The following BOD1 variants were observed in gnomAD, a reference collection of about 807,000 sequenced individuals.
The protein encoded by BOD1 is biorientation of chromosomes in cell division protein 1.
BOD1 carries 11 observed loss-of-function variants against 15.7 expected under a neutral mutation model. The observed-to-expected ratio is 0.70, with a 90% CI of 0.44 to 1.16. BOD1 has a LOEUF of 1.16. Ranked by LOEUF, BOD1 falls within the 50% of genes most tolerant of loss-of-function variation. The pLI is 0.00. For missense variants in BOD1, 182 were observed against 244.5 expected, an observed-to-expected ratio of 0.74 and a Z score of 1.70; for synonymous variants, 105 against 103.5, an observed-to-expected ratio of 1.01 and a Z score of -0.09.
At chr5:173,611,544 A>C (rs1261304857) in intron 2 of BOD1, among the ~76,000 whole-genome samples, 1 of 148,598 alleles carries the variant, frequency 6.7e-6, no homozygotes, top group African/African-American at 2.6e-5. Context: ...AAAAAAAAAA[A>C]ACAACAACTT....
In BOD1 at chr5:173,613,228, C is replaced by T. The variant is rs1755402802; in HGVS notation, c.265G>A (p.Val89Met). The T allele has an allele frequency of 6.5e-7, 1 of 1,528,794 alleles. No individual in the cohort carries two copies. Among genetic ancestry groups the T allele is most frequent in the Non-Finnish European group, 8.8e-7 (1 of 1,132,366 alleles). 94.7% of individuals were successfully genotyped at this position (1,528,794 alleles called of 1,614,324 possible). Residue 89 changes from valine (V) to methionine (M), a missense_variant, in exon 2 of 4, where the codon GTG becomes ATG. By Grantham distance (21) the Val-to-Met change is conservative. Transcript: ENST00000311086. ...KPAYQNLRQK[V>M]DNFVSTHLDK... ...AGATGTGTTGACACAAAATTATCCACTTTCTGCCTCAGGTTTTGGTAAGCT... is the reference window on the plus strand; with the variant it reads ...AGATGTGTTGACACAAAATTATCCATTTTCTGCCTCAGGTTTTGGTAAGCT...
At chr5:173,608,392 T>A in intron 3 of BOD1, 100 bp from the exon 4 acceptor site, 1 of 958,930 alleles carries the variant, frequency 1.0e-6, no homozygotes, top group Non-Finnish European at 1.6e-6. Flanking sequence ...AAGAAAGACT[T>A]AAAATGAATG....
At chr5:173,611,237 C>T (rs1313644437) in intron 2 of BOD1, among the ~76,000 whole-genome samples, 1 of 152,198 alleles carries the variant, frequency 6.6e-6, no homozygotes, top group Non-Finnish European at 1.5e-5. Context: ...AAGAGTTATT[C>T]GTCATAATTC....
intron 2 of BOD1, 71 bp downstream of exon 2, chr5:173,613,060 G>A (rs1479889877): frequency 6.6e-6 from 10 of 1,522,100 alleles, no homozygotes; most frequent in Non-Finnish European, 8.9e-6. Flanking sequence ...ACTAAACAGA[G>A]ACCTCAACCT....
intron 1 of BOD1, 22 bp from the exon 2 acceptor site, chr5:173,613,277 G>A: frequency 6.2e-7 from 1 of 1,612,814 alleles, no homozygotes; most frequent in South Asian, 1.1e-5. Context: ...AAAAGAGGAG[G>A]CAAGGTCAGA....
At chr5:173,614,303 T>G (rs1446467707) in intron 1 of BOD1, among the ~76,000 whole-genome samples, 2 of 152,162 alleles carry the variant, frequency 1.3e-5, no homozygotes, top group African/African-American at 4.8e-5. Context: ...CGCACCTGGT[T>G]TGAGATGATA....
intron 2 of BOD1, among the ~76,000 whole-genome samples, chr5:173,610,396 A>G (rs1254950403): frequency 6.6e-6 from 1 of 152,210 alleles, no homozygotes; most frequent in African/African-American, 2.4e-5. Context: ...ATCATGACAA[A>G]GAAGATAAGA....
At chr5:173,614,094 T>C (rs997536659) in intron 1 of BOD1, among the ~76,000 whole-genome samples, 2 of 152,126 alleles carry the variant, frequency 1.3e-5, no homozygotes, top group Admixed American at 6.5e-5. Context: ...AAAACAGATA[T>C]CAACAGAGAT....
At chr5:173,613,368 C>G in intron 1 of BOD1, 113 bp from the exon 2 acceptor site, 3 of 1,265,938 alleles carry the variant, frequency 2.4e-6, no homozygotes, top group Non-Finnish European at 3.4e-6. Flanking sequence ...AAATACACTT[C>G]CACTGTGCAT....
At chr5:173,609,916 G>C (rs1192306019) in intron 2 of BOD1, among the ~76,000 whole-genome samples, 1 of 152,148 alleles carries the variant, frequency 6.6e-6, no homozygotes, top group Non-Finnish European at 1.5e-5. Context: ...GATCAGTCAG[G>C]GCTGGGAGTA....
rs762685264 is a variant in BOD1, at chr5:173,609,293, G to C, written c.504C>G (p.Pro168=). ...GGTCCTGGCCTTCGGGCTCTGGAGGGGGTGCTGGCACAGCTGCTTTTTTCT... is the reference window on the plus strand; with the variant it reads ...GGTCCTGGCCTTCGGGCTCTGGAGGCGGTGCTGGCACAGCTGCTTTTTTCT... ...AAQKKAAVPA[P]PPEPEGQDPP... Residue 168 remains proline (P), a synonymous_variant, in exon 3 of 4, where the codon CCC becomes CCG. Transcript: ENST00000311086. 6.8e-6 allele frequency: 11 copies of C among 1,614,078 alleles called. No homozygotes were observed. Among genetic ancestry groups the C allele is most frequent in the African/African-American group, 4.0e-5 (3 of 74,930 alleles).
chr5:173,616,186 G>A lies in BOD1; in HGVS notation c.237+14C>T. ...TGCAGCCCCGCTCCCCAACGCCCAG[G>A]CGGCCGCAGCTACCTTGGTGTCCAC... On this transcript the variant is annotated intron_variant, in intron 1 of 3. Transcript: ENST00000311086. 3.8e-6 allele frequency: 6 copies of A among 1,571,458 alleles called. No individual in the cohort carries two copies. Among genetic ancestry groups the A allele is most frequent in the Non-Finnish European group, 5.2e-6 (6 of 1,159,506 alleles).
chr5:173,611,407 C>T (rs546776518), intron 2 of BOD1, among the ~76,000 whole-genome samples: 2 of 152,222 alleles, frequency 1.3e-5, no homozygotes, highest in South Asian at 2.1e-4. Flanking sequence ...GTCTGCGTTT[C>T]GAAACTCCAG....
chr5:173,614,432 C>T (rs1755438802), intron 1 of BOD1, among the ~76,000 whole-genome samples: 2 of 152,350 alleles, frequency 1.3e-5, no homozygotes, highest in South Asian at 4.1e-4. Flanking sequence ...TGAGCCCACT[C>T]ATAACGTTTT....
intron 1 of BOD1, among the ~76,000 whole-genome samples, chr5:173,615,342 C>T (rs927337536): frequency 7.9e-5 from 12 of 152,232 alleles, no homozygotes; most frequent in African/African-American, 2.2e-4. Context: ...AAACAGACTA[C>T]GTTTTTCCCT....
At chr5:173,615,348 T>C (rs1453151465) in intron 1 of BOD1, among the ~76,000 whole-genome samples, 5 of 152,264 alleles carry the variant, frequency 3.3e-5, no homozygotes. Context: ...ACTACGTTTT[T>C]CCCTATCTTA....
intron 1 of BOD1, 22 bp downstream of exon 1, chr5:173,616,178 A>C: frequency 1.3e-6 from 2 of 1,567,812 alleles, no homozygotes; most frequent in Admixed American, 1.8e-5. Flanking sequence ...CCGCTCCCCA[A>C]CGCCCAGGCG....
chr5:173,608,294 T>C lies in BOD1; in HGVS notation c.*2-2A>G. On this transcript the variant is annotated splice_acceptor_variant, in intron 3 of 3. Coordinates refer to ENST00000311086, the MANE Select transcript of BOD1 (RefSeq NM_138369.3). LOFTEE classifies it low-confidence loss of function (3UTR_SPLICE). Reference sequence around the variant, plus strand: ...CTTTCAAAAGGTGTCTGGCGTATTCTAAAAAGGAAAGATAATCATATCAAA... The same window carrying C: ...CTTTCAAAAGGTGTCTGGCGTATTCCAAAAAGGAAAGATAATCATATCAAA... The C allele has an allele frequency of 6.2e-7, 1 of 1,603,026 alleles. No individual in the cohort carries two copies. The highest frequency in any genetic ancestry group is 8.5e-7 in the Non-Finnish European group (1 of 1,170,700).
chr5:173,614,792 T>A (rs1388796536), intron 1 of BOD1: 1 of 152,260 alleles, frequency 6.6e-6, no homozygotes, highest in African/African-American at 2.4e-5. Context: ...GGTAGTCCCC[T>A]CCCCCCTCAG....
Sources: allele counts gnomAD v4.1 joint callset (sites outside exome capture counted in the v4.1 genomes callset), GRCh38; gene constraint gnomAD v4.1.1; transcripts MANE v1.5; gene names NCBI Gene and HGNC (gene_info 2026-07-23, HGNC 2026-07-21).